The following PRKCA variants were observed in gnomAD, a reference collection of about 807,000 sequenced individuals.
The protein encoded by PRKCA is protein kinase C alpha.
A neutral mutation model predicts 87.0 loss-of-function variants in PRKCA; 27 were observed. That is an observed-to-expected ratio of 0.31 (90% confidence interval 0.23 to 0.43). PRKCA has a LOEUF of 0.43. Among genes scored for constraint, PRKCA ranks in the 20% least tolerant of loss-of-function variants. The pLI is 1.00. For missense variants in PRKCA, 518 were observed against 852.3 expected (o/e 0.61, Z 4.88); for synonymous variants, 329 against 311.1 (o/e 1.06, Z -0.61).
In PRKCA at chr17:66,808,328, T is replaced by A. The variant is rs931554166; in HGVS notation, c.*4291T>A. 6.6e-6 allele frequency: 1 copy of A among 151,312 alleles called. No homozygotes were observed. The highest frequency in any genetic ancestry group is 1.5e-5 in the Non-Finnish European group (1 of 67,830). The allele number at this position is 151,312 out of a possible 1,614,324, so 9.4% of individuals were successfully genotyped here. On this transcript the variant is annotated 3_prime_UTR_variant, in exon 17 of 17. Coordinates refer to ENST00000413366, the MANE Select transcript of PRKCA (RefSeq NM_002737.3). ...TTTTTTTGTTTTTGTTCCTGTTTTTTTTTTTTTTGCTGGAATTTGTTTTCT... is the reference window on the plus strand; with the variant it reads ...TTTTTTTGTTTTTGTTCCTGTTTTTATTTTTTTTGCTGGAATTTGTTTTCT...
At chr17:66,366,948 T>A (rs927686513) in intron 2 of PRKCA, among the ~76,000 whole-genome samples, 4 of 152,198 alleles carry the variant, frequency 2.6e-5, no homozygotes, top group Non-Finnish European at 4.4e-5. Flanking sequence ...AGGTGAGGTT[T>A]TTACTCCACG....
intron 3 of PRKCA, among the ~76,000 whole-genome samples, chr17:66,579,160 C>T (rs184558980): frequency 6.6e-6 from 1 of 152,288 alleles, no homozygotes; most frequent in African/African-American, 2.4e-5. Flanking sequence ...GGCTTTGCCC[C>T]CCATTGAACA....
chr17:66,396,934 A>C (rs983278099), intron 2 of PRKCA, among the ~76,000 whole-genome samples: 12 of 143,902 alleles, frequency 8.3e-5, no homozygotes, highest in African/African-American at 3.1e-4. Context: ...AGTAGAAGCA[A>C]TCATTCAGTC....
At chr17:66,695,525 C>T (rs1343944851) in intron 8 of PRKCA, among the ~76,000 whole-genome samples, 2 of 152,132 alleles carry the variant, frequency 1.3e-5, no homozygotes, top group Non-Finnish European at 2.9e-5. Flanking sequence ...TTAAATGAGC[C>T]TACACCATTC....
chr17:66,574,286 G>A (rs1969161529), intron 3 of PRKCA, among the ~76,000 whole-genome samples: 1 of 152,144 alleles, frequency 6.6e-6, no homozygotes, highest in African/African-American at 2.4e-5. Context: ...GGCCTACATG[G>A]AATGGGCTGT....
intron 2 of PRKCA, among the ~76,000 whole-genome samples, chr17:66,483,395 A>G (rs1915864311): frequency 6.6e-6 from 1 of 152,032 alleles, no homozygotes; most frequent in Admixed American, 6.6e-5. Context: ...GTCTTTCTCC[A>G]TCTTCACATG....
intron 3 of PRKCA, among the ~76,000 whole-genome samples, chr17:66,575,367 T>G (rs1343526106): frequency 6.6e-6 from 1 of 151,898 alleles, no homozygotes; most frequent in East Asian, 1.9e-4. Context: ...TCACCTGAGG[T>G]CAAGAGTTCT....
Position 66,758,177 on chromosome 17 carries a change from G to A in PRKCA, c.1524+15417G>A, listed in dbSNP as rs574521486. 9.8e-5 allele frequency among the ~76,000 whole-genome samples: 15 copies of A among 152,322 alleles called. No homozygotes were observed. The South Asian group carries it at 2.1e-3, about 21-fold the overall frequency. ...CCACTGTGTTCTTCAACATGAGGCC[G>A]CATCTCTTTCAAGCTGTTTGCAGAC... On this transcript the variant is annotated intron_variant, in intron 13 of 16. Transcript: ENST00000413366.
chr17:66,422,112 C>T (rs1163953882), intron 2 of PRKCA, among the ~76,000 whole-genome samples: 3 of 152,024 alleles, frequency 2.0e-5, no homozygotes, highest in Admixed American at 2.0e-4. Flanking sequence ...TCATAAAGAT[C>T]CCAGTCCTAC....
intron 2 of PRKCA, among the ~76,000 whole-genome samples, chr17:66,495,676 C>T (rs191887742): frequency 6.6e-6 from 1 of 152,054 alleles, no homozygotes; most frequent in East Asian, 1.9e-4. Flanking sequence ...CCTCAACCTC[C>T]TGAGTAGCTG....
intron 2 of PRKCA, among the ~76,000 whole-genome samples, chr17:66,426,334 T>C (rs1219653025): frequency 6.6e-6 from 1 of 152,106 alleles, no homozygotes; most frequent in African/African-American, 2.4e-5. Flanking sequence ...TTGTAAGTTT[T>C]TGAGGAGAAA....
chr17:66,725,639 C>T (rs1310442936), intron 8 of PRKCA, among the ~76,000 whole-genome samples: 6 of 146,720 alleles, frequency 4.1e-5, no homozygotes, highest in African/African-American at 7.8e-5. Context: ...GGTAAAACCG[C>T]ATGTCTACAA....
chr17:66,746,488 G>C (rs1381978121), intron 13 of PRKCA, among the ~76,000 whole-genome samples: 1 of 152,156 alleles, frequency 6.6e-6, no homozygotes, highest in Non-Finnish European at 1.5e-5. Context: ...TGTGTGGAAA[G>C]GTTAAAATAG....
intron 2 of PRKCA, among the ~76,000 whole-genome samples, chr17:66,438,752 G>A (rs1913551824): frequency 6.6e-6 from 1 of 152,142 alleles, no homozygotes; most frequent in African/African-American, 2.4e-5. Flanking sequence ...TTACAGCGCA[G>A]CAGGAAGGAG....
chr17:66,545,760 TAGTC>T (rs1296938038), intron 3 of PRKCA, among the ~76,000 whole-genome samples: 4 of 152,198 alleles, frequency 2.6e-5, no homozygotes, highest in African/African-American at 7.2e-5. Flanking sequence ...ATAGAAATCA[TAGTC>T]AGTGCAGAAT....
Position 66,381,591 on chromosome 17 carries a change from C to A in PRKCA, c.205+75464C>A, listed in dbSNP as rs187918536. On this transcript the variant is annotated intron_variant, in intron 2 of 16. Transcript: ENST00000413366. ...GGCCAGTTTGGACTTCATTCCATAT[C>A]TTGCTCTATTCTACAAGGAGTCAGA... is the stretch of plus-strand genomic sequence containing the variant. 2.0e-4 allele frequency among the ~76,000 whole-genome samples: 30 copies of A among 152,322 alleles called. No homozygotes were observed. In the East Asian group the frequency reaches 5.0e-3, roughly 26 times the overall value.
intron 10 of PRKCA, among the ~76,000 whole-genome samples, chr17:66,736,943 G>A (rs901092091): frequency 6.6e-6 from 1 of 152,260 alleles, no homozygotes; most frequent in East Asian, 1.9e-4. Context: ...CATACTGTCT[G>A]GCCCTTTGTG....
intron 5 of PRKCA, among the ~76,000 whole-genome samples, chr17:66,677,946 G>A (rs548781325): frequency 6.6e-6 from 1 of 152,290 alleles, no homozygotes; most frequent in East Asian, 1.9e-4. Context: ...CCAGAACATT[G>A]TCATCACTTC....
intron 14 of PRKCA, among the ~76,000 whole-genome samples, chr17:66,781,663 A>G (rs921553244): frequency 6.6e-6 from 1 of 151,874 alleles, no homozygotes; most frequent in Non-Finnish European, 1.5e-5. Context: ...TAGCAACAGA[A>G]AGTTGAATGG....
Sources: gnomAD v4.1 joint callset for allele counts (sites outside exome capture counted in the v4.1 genomes callset) on GRCh38, gnomAD v4.1.1 for gene constraint, MANE v1.5 for transcripts, NCBI Gene and HGNC (gene_info 2026-07-23, HGNC 2026-07-21) for gene names.